The following EPHA4 variants were observed in gnomAD, a reference collection of about 807,000 sequenced individuals.
EPHA4 encodes the protein ephrin type-A receptor 4.
Under a neutral mutation model 108.3 loss-of-function variants are expected in EPHA4, and 19 were observed. That is an observed-to-expected ratio of 0.18 (90% CI 0.12 to 0.26). EPHA4 has a LOEUF of 0.26. EPHA4 is among the 10% of genes least tolerant of loss of function. EPHA4 has a pLI of 1.00. For synonymous variants in EPHA4, 449 were observed against 455.5 expected, an observed-to-expected ratio of 0.99 and a Z score of 0.18; for missense variants, 917 against 1,254.0, an observed-to-expected ratio of 0.73 and a Z score of 4.06.
At chr2:221,556,408 T>C (rs1694301591) in intron 3 of EPHA4, among the ~76,000 whole-genome samples, 1 of 151,854 alleles carries the variant, frequency 6.6e-6, no homozygotes. Context: ...ACGATTCTCC[T>C]GGCTCAGCCT....
chr2:221,537,560 T>A lies in EPHA4; in HGVS notation c.823+26171A>T, dbSNP rs1472160276. ...CAAGTACTTTGGGAGGCCAAGGAGG[T>A]GAACAGTGCTTGAAGCCAGGAGTTT... On this transcript the variant is annotated intron_variant, in intron 3 of 17. Coordinates refer to ENST00000281821, the MANE Select transcript of EPHA4 (RefSeq NM_004438.5). Among the ~76,000 whole-genome samples the A allele has an allele frequency of 2.6e-5, 4 of 152,144 alleles. No individual in the cohort carries two copies. The South Asian group carries it at 8.3e-4, about 32-fold the overall frequency.
At chr2:221,570,009 C>A (rs1005897576) in intron 1 of EPHA4, among the ~76,000 whole-genome samples, 1 of 151,856 alleles carries the variant, frequency 6.6e-6, no homozygotes, top group Admixed American at 6.6e-5. Flanking sequence ...CTCCCCACCG[C>A]CAACCCCCAC....
chr2:221,424,790 TC>T (rs1689850982), intron 17 of EPHA4, among the ~76,000 whole-genome samples: 1 of 152,160 alleles, frequency 6.6e-6, no homozygotes, highest in South Asian at 2.1e-4. Context: ...AGGTAAACTC[TC>T]CAAAGGACGG....
chr2:221,473,522 A>G lies in EPHA4; in HGVS notation c.1318+8830T>C, dbSNP rs1413673441. 3.7e-5 allele frequency among the ~76,000 whole-genome samples: 5 copies of G among 135,376 alleles called. No individual in the cohort carries two copies. The Admixed American group carries it at 4.1e-4, about 11-fold the overall frequency. The allele number at this position is 135,376 out of a possible 152,430, so 88.8% of individuals were successfully genotyped here. Reference sequence around the variant, plus strand: ...TCTTAATGCAAGATAAGTCCTGTGCATGGCTTTTGGGTTTTCAAGGTGTTT... The same window carrying G: ...TCTTAATGCAAGATAAGTCCTGTGCGTGGCTTTTGGGTTTTCAAGGTGTTT... On this transcript the variant is annotated intron_variant, in intron 5 of 17. Coordinates refer to ENST00000281821, the MANE Select transcript of EPHA4 (RefSeq NM_004438.5).
At chr2:221,510,045 A>G (rs1285156421) in intron 3 of EPHA4, among the ~76,000 whole-genome samples, 4 of 152,246 alleles carry the variant, frequency 2.6e-5, no homozygotes, top group Non-Finnish European at 1.5e-5. Flanking sequence ...GCTACTCACT[A>G]AGAGTAACTC....
intron 5 of EPHA4, 42 bp from the exon 6 acceptor site, chr2:221,458,032 A>C: frequency 1.9e-6 from 3 of 1,590,630 alleles, no homozygotes; most frequent in Non-Finnish European, 1.7e-6. Context: ...TTTCTTTAGG[A>C]AAATAAATGG....
At chr2:221,482,911 C>T (rs1332784293) in intron 4 of EPHA4, among the ~76,000 whole-genome samples, 2 of 152,194 alleles carry the variant, frequency 1.3e-5, no homozygotes, top group Admixed American at 1.3e-4. Context: ...ACAAACAAGG[C>T]ATCGGTTGTC....
At chr2:221,520,824 G>A (rs2710512) in intron 3 of EPHA4, among the ~76,000 whole-genome samples, 152,308 of 152,332 alleles carry the variant, frequency 1, 76,142 homozygotes, top group Non-Finnish European at 1. Flanking sequence ...AGGTAACATC[G>A]TAAGAGTTTC....
intron 14 of EPHA4, among the ~76,000 whole-genome samples, chr2:221,433,591 A>G (rs1338550680): frequency 1.3e-5 from 2 of 152,046 alleles, no homozygotes; most frequent in African/African-American, 4.8e-5. Flanking sequence ...TCCTTTTCTG[A>G]AATTGCAGTC....
chr2:221,451,891 A>G (rs565313691), intron 8 of EPHA4, among the ~76,000 whole-genome samples: 11 of 152,340 alleles, frequency 7.2e-5, no homozygotes, highest in African/African-American at 2.6e-4. Context: ...AAAAGAAAAA[A>G]GTAGATCTCG....
chr2:221,466,908 G>C (rs768641596), intron 5 of EPHA4, among the ~76,000 whole-genome samples: 4 of 152,134 alleles, frequency 2.6e-5, no homozygotes, highest in Non-Finnish European at 5.9e-5. Context: ...AGAAATAGGA[G>C]ACTTGAAGGT....
rs148536849 is a variant in EPHA4 at position 221,486,278 on chromosome 2, A to C, written c.980-3588T>G. ...TCAAAACTACCCACTACTAGCCTCA[A>C]TACAGGACTGGCATAACACCAGTCC... On this transcript the variant is annotated intron_variant, in intron 4 of 17. Coordinates refer to ENST00000281821, the MANE Select transcript of EPHA4 (RefSeq NM_004438.5). Among the ~76,000 whole-genome samples the C allele has an allele frequency of 3.1e-3, 468 of 152,294 alleles. 3 individuals carry two copies. Among genetic ancestry groups the C allele is most frequent in the African/African-American group, 0.011 (442 of 41,568 alleles).
rs1268565397 is a variant in EPHA4 at position 221,476,200 on chromosome 2, C to A, written c.1318+6152G>T. Among the ~76,000 whole-genome samples, 4 of 152,240 alleles carry A rather than the reference C, an allele frequency of 2.6e-5. No individual in the cohort carries two copies. The East Asian group carries it at 7.7e-4, about 29-fold the overall frequency. ...CATCATCTCATTTAGGTTTAGTATT[C>A]CAAAACAATTCTCAGAATCAGCAGG... On this transcript the variant is annotated intron_variant, in intron 5 of 17. Coordinates refer to ENST00000281821, the MANE Select transcript of EPHA4 (RefSeq NM_004438.5).
chr2:221,436,558 G>A lies in EPHA4; in HGVS notation c.2187C>T (p.Gly729=). The change falls in exon 13 of 18, where the codon GGC becomes GGT. Residue 729 remains glycine (G), a synonymous_variant. Transcript: ENST00000281821. Reference sequence around the variant, plus strand: ...ATAAATACTTCATCCCAGACCCAATGCCACGAAGCATGCCCACCAGCTGAA... The same window carrying A: ...ATAAATACTTCATCCCAGACCCAATACCACGAAGCATGCCCACCAGCTGAA... ...TVIQLVGMLR[G]IGSGMKYLSD... is the part of the protein sequence containing the mutation. The A allele has an allele frequency of 6.2e-7, 1 of 1,614,132 alleles. No individual in the cohort carries two copies. The highest frequency in any genetic ancestry group is 8.5e-7 in the Non-Finnish European group (1 of 1,180,020).
At chr2:221,434,606 G>T (rs1028256566) in intron 13 of EPHA4, among the ~76,000 whole-genome samples, 14 of 152,222 alleles carry the variant, frequency 9.2e-5, no homozygotes, top group Non-Finnish European at 5.9e-5. Flanking sequence ...TATCTACGGG[G>T]TATCAGTGAT....
intron 3 of EPHA4, among the ~76,000 whole-genome samples, chr2:221,516,649 A>T (rs1203163536): frequency 6.6e-6 from 1 of 152,108 alleles, no homozygotes; most frequent in Non-Finnish European, 1.5e-5. Flanking sequence ...ACCATGCCCG[A>T]CCTAGATTCA....
chr2:221,574,124 T>G (rs940307915), upstream of EPHA4: 8 of 152,208 alleles, frequency 5.3e-5, no homozygotes, highest in African/African-American at 1.9e-4. Flanking sequence ...GCTCGAGAGC[T>G]GCGCTGGTTT....
At chr2:221,444,459 T>TGGTG (rs78774465) in intron 9 of EPHA4, among the ~76,000 whole-genome samples, 34,043 of 151,990 alleles carry the variant, frequency 0.22, 3,836 homozygotes, top group Non-Finnish European at 0.25. Flanking sequence ...GTTGGCCCAG[T>TGGTG]CCCTTCGACT....
At chr2:221,471,137 T>G (rs1691473883) in intron 5 of EPHA4, among the ~76,000 whole-genome samples, 1 of 152,168 alleles carries the variant, frequency 6.6e-6, no homozygotes. Context: ...GATCTGTGTT[T>G]GAGAATTGAG....
Sources: gnomAD v4.1 joint callset for allele counts (sites outside exome capture counted in the v4.1 genomes callset) on GRCh38, gnomAD v4.1.1 for gene constraint, MANE v1.5 for transcripts, NCBI Gene and HGNC (gene_info 2026-07-23, HGNC 2026-07-21) for gene names.